The following OSBPL10 variants were observed in gnomAD, a reference collection of about 807,000 sequenced individuals.
The protein encoded by OSBPL10 is oxysterol binding protein like 10.
In OSBPL10, 49 loss-of-function variants were observed where a neutral mutation model predicts 81.7. That is an observed-to-expected ratio of 0.60 (90% CI 0.48 to 0.76). OSBPL10 has a LOEUF of 0.76. Among genes scored for constraint, OSBPL10 ranks in the 30% least tolerant of loss-of-function variants. The pLI is 0.00. For synonymous variants in OSBPL10, 419 were observed against 383.6 expected (o/e 1.09, Z -1.08); for missense variants, 923 against 987.8 (o/e 0.93, Z 0.88).
At chr3:31,735,530 A>T (rs4563438) in intron 5 of OSBPL10, among the ~76,000 whole-genome samples, 63,762 of 152,058 alleles carry the variant, frequency 0.42, 13,748 homozygotes, top group East Asian at 0.65. Context: ...TGACCTGCCC[A>T]GCCTCATTTT....
chr3:31,823,431 G>A (rs1381450818), intron 4 of OSBPL10, among the ~76,000 whole-genome samples: 1 of 152,182 alleles, frequency 6.6e-6, no homozygotes. Context: ...GAAGGTAGGA[G>A]TGGGTGAGTA....
At chr3:31,748,908 A>G (rs1209246104) in intron 4 of OSBPL10, among the ~76,000 whole-genome samples, 1 of 152,214 alleles carries the variant, frequency 6.6e-6, no homozygotes, top group Non-Finnish European at 1.5e-5. Flanking sequence ...TATCTTGTGA[A>G]GTTCATCCTC....
intron 5 of OSBPL10, among the ~76,000 whole-genome samples, chr3:31,737,884 C>T (rs903540584): frequency 6.6e-6 from 1 of 151,752 alleles, no homozygotes; most frequent in Non-Finnish European, 1.5e-5. Context: ...CCCAGCTACT[C>T]GGGAGGCTGA....
chr3:31,850,022 G>A (rs1700723329), intron 3 of OSBPL10, among the ~76,000 whole-genome samples: 1 of 152,102 alleles, frequency 6.6e-6, no homozygotes, highest in Non-Finnish European at 1.5e-5. Context: ...CAAATTAGCT[G>A]GGTGTGGTGG....
intron 2 of OSBPL10, among the ~76,000 whole-genome samples, chr3:32,035,002 G>T (rs771065932): frequency 1.3e-5 from 2 of 152,134 alleles, no homozygotes; most frequent in Non-Finnish European, 2.9e-5. Context: ...TGAACATGGG[G>T]TTTTCCCATA....
intron 1 of OSBPL10, among the ~76,000 whole-genome samples, chr3:31,966,783 A>T (rs984103354): frequency 6.6e-6 from 1 of 152,224 alleles, no homozygotes; most frequent in African/African-American, 2.4e-5. Flanking sequence ...AATGGGCAAA[A>T]GACTTAGCTA....
chr3:32,050,559 G>T (rs1030234115), intron 1 of OSBPL10, among the ~76,000 whole-genome samples: 1 of 152,096 alleles, frequency 6.6e-6, no homozygotes, highest in Non-Finnish European at 1.5e-5. Context: ...CTTAGTTAAG[G>T]CTTATTGGTT....
chr3:31,906,598 A>G (rs1696414638), intron 1 of OSBPL10, among the ~76,000 whole-genome samples: 1 of 152,240 alleles, frequency 6.6e-6, no homozygotes, highest in Non-Finnish European at 1.5e-5. Context: ...CAAAATGACC[A>G]ATTCCCAATC....
At chr3:32,044,778 A>G in intron 2 of OSBPL10, among the ~76,000 whole-genome samples, 1 of 151,420 alleles carries the variant, frequency 6.6e-6, no homozygotes, top group East Asian at 1.9e-4. Flanking sequence ...TCTGAATCCT[A>G]AATAACAGAT....
At position 31,993,313 on chromosome 3, in the gene OSBPL10, A is replaced by G. The variant is rs183844061; in HGVS notation, n.298+53178T>C. ...CAACTTCCACCTCCCAGGTTCAAGC[A>G]CTTCTCCTGCCTCAGCCTCCCGGTA... On this transcript the variant is annotated intron_variant and non_coding_transcript_variant, in intron 2 of 3. Coordinates refer to the OSBPL10 transcript ENST00000479173. 8.6e-3 allele frequency among the ~76,000 whole-genome samples: 1,307 copies of G among 151,674 alleles called. 26 individuals are homozygous for G. The highest frequency in any genetic ancestry group is 0.03 in the African/African-American group (1,229 of 41,198).
chr3:31,690,876 G>T (rs1695517967), intron 7 of OSBPL10, among the ~76,000 whole-genome samples: 1 of 151,602 alleles, frequency 6.6e-6, no homozygotes, highest in Admixed American at 6.6e-5. Flanking sequence ...TTCCTAGTCT[G>T]GTCTGATTTC....
At chr3:31,817,171 C>A (rs900776303) in intron 4 of OSBPL10, among the ~76,000 whole-genome samples, 2 of 152,200 alleles carry the variant, frequency 1.3e-5, no homozygotes, top group African/African-American at 4.8e-5. Context: ...AGTCCCCACT[C>A]TGGTCAGTGG....
chr3:31,775,497 T>C (rs1698524825), intron 4 of OSBPL10, among the ~76,000 whole-genome samples: 1 of 96,766 alleles, frequency 1.0e-5, no homozygotes, highest in Non-Finnish European at 2.7e-5. Flanking sequence ...ATGAAGGAGT[T>C]GAAATTTTTA....
chr3:31,739,841 G>C (rs982685888), intron 5 of OSBPL10, among the ~76,000 whole-genome samples: 1 of 152,152 alleles, frequency 6.6e-6, no homozygotes, highest in Non-Finnish European at 1.5e-5. Context: ...GTAAACTTTT[G>C]ATATTTTGTT....
intron 1 of OSBPL10, among the ~76,000 whole-genome samples, chr3:32,059,062 G>A (rs1221527628): frequency 5.3e-5 from 8 of 152,184 alleles, no homozygotes; most frequent in African/African-American, 1.9e-4. Context: ...ACTTTGGGAG[G>A]CTGAGGCAGG....
chr3:31,822,864 T>G (rs1354262366), intron 4 of OSBPL10, among the ~76,000 whole-genome samples: 1 of 135,582 alleles, frequency 7.4e-6, no homozygotes, highest in Non-Finnish European at 1.5e-5. Flanking sequence ...CAATGAGTCA[T>G]GATTGATCTG....
chr3:31,715,222 A>G (rs1696395741), intron 6 of OSBPL10, among the ~76,000 whole-genome samples: 1 of 152,246 alleles, frequency 6.6e-6, no homozygotes, highest in African/African-American at 2.4e-5. Context: ...CACAATTTAA[A>G]ATTCTGTTCC....
intron 3 of OSBPL10, among the ~76,000 whole-genome samples, chr3:31,833,737 A>ACACACACACACACACT (rs1491340793): frequency 7.2e-6 from 1 of 139,856 alleles, no homozygotes; most frequent in South Asian, 2.4e-4. Context: ...ACACACACAC[A>ACACACACACACACACT]CTCTCTCTCT....
chr3:31,962,289 G>T (rs1189770096), intron 1 of OSBPL10, among the ~76,000 whole-genome samples: 2 of 152,106 alleles, frequency 1.3e-5, no homozygotes, highest in African/African-American at 4.8e-5. Flanking sequence ...AGGTCCTGTA[G>T]CCTACTATTA....
Sources: allele counts gnomAD v4.1 joint callset (sites outside exome capture counted in the v4.1 genomes callset), GRCh38; gene constraint gnomAD v4.1.1; transcripts MANE v1.5; gene names NCBI Gene and HGNC (gene_info 2026-07-23, HGNC 2026-07-21).